Variants in CDH13 observed in about 807,000 individuals in gnomAD.
The protein encoded by CDH13 is cadherin 13, also known as cadherin-13.
Under a neutral mutation model 63.8 loss-of-function variants are expected in CDH13, and 24 were observed. The observed-to-expected ratio is 0.38, with a 90% confidence interval of 0.27 to 0.53. The LOEUF (loss-of-function observed/expected upper bound fraction) is 0.53. Among genes scored for constraint, CDH13 ranks in the 20% least tolerant of loss-of-function variants. CDH13 has a pLI of 0.85. For missense variants in CDH13, 1,049 were observed against 903.1 expected, an observed-to-expected ratio of 1.16 and a Z score of -2.07; for synonymous variants, 503 against 355.3, an observed-to-expected ratio of 1.42 and a Z score of -4.67.
chr16:83,313,929 C>A (rs949234475), intron 5 of CDH13, among the ~76,000 whole-genome samples: 3 of 152,182 alleles, frequency 2.0e-5, no homozygotes, highest in African/African-American at 7.2e-5. Flanking sequence ...AACTGTGGTG[C>A]AATATGATGT....
intron 6 of CDH13, among the ~76,000 whole-genome samples, chr16:83,430,559 C>A (rs534825149): frequency 6.6e-6 from 1 of 152,104 alleles, no homozygotes; most frequent in Non-Finnish European, 1.5e-5. Context: ...TTTTTGAAAT[C>A]CTGCTTTTCT....
At position 83,090,692 on chromosome 16, in the gene CDH13, C is replaced by A. The variant is rs148558169; in HGVS notation, c.367-34693C>A. On this transcript the variant is annotated intron_variant, in intron 3 of 13. Coordinates refer to ENST00000567109, the MANE Select transcript of CDH13 (RefSeq NM_001257.5). ...TCCCTCTGACTGACTCTCAAGTCTT[C>A]CCCGTCTGTCTGCTCCGACTGCACG... Among the ~76,000 whole-genome samples the A allele has an allele frequency of 2.3e-3, 353 of 152,224 alleles. 2 individuals carry two copies. Among genetic ancestry groups the A allele is most frequent in the African/African-American group, 8.2e-3 (339 of 41,556 alleles).
chr16:82,633,034 G>A (rs555576320), intron 1 of CDH13, among the ~76,000 whole-genome samples: 2 of 152,200 alleles, frequency 1.3e-5, no homozygotes, highest in Non-Finnish European at 2.9e-5. Context: ...GGTAATGCGA[G>A]TGCTGGGGGG....
At chr16:83,713,682 C>G (rs926977648) in intron 10 of CDH13, among the ~76,000 whole-genome samples, 14 of 152,058 alleles carry the variant, frequency 9.2e-5, no homozygotes, top group Admixed American at 1.3e-4. Flanking sequence ...TCTCACATAA[C>G]TGGGAGATCC....
intron 5 of CDH13, among the ~76,000 whole-genome samples, chr16:83,343,488 A>C (rs2090772508): frequency 6.6e-6 from 1 of 152,252 alleles, no homozygotes; most frequent in Non-Finnish European, 1.5e-5. Flanking sequence ...CAGGAGTGGT[A>C]TAAAAACGGA....
At chr16:83,353,402 G>A (rs576996399) in intron 6 of CDH13, among the ~76,000 whole-genome samples, 11 of 151,652 alleles carry the variant, frequency 7.3e-5, no homozygotes, top group East Asian at 1.9e-4. Context: ...TGTCAGGCCC[G>A]CCCTGATGGG....
At chr16:82,757,367 C>G (rs1030319631) in intron 1 of CDH13, among the ~76,000 whole-genome samples, 2 of 148,768 alleles carry the variant, frequency 1.3e-5, no homozygotes, top group East Asian at 2.0e-4. Flanking sequence ...TCCAAAGGCC[C>G]TTGTCTTGAG....
At chr16:83,263,550 C>T (rs1907233053) in intron 5 of CDH13, among the ~76,000 whole-genome samples, 1 of 152,112 alleles carries the variant, frequency 6.6e-6, no homozygotes, top group Non-Finnish European at 1.5e-5. Flanking sequence ...TAGCCACCGC[C>T]CACTGAATGG....
chr16:82,839,331 G>A (rs2151128685), intron 1 of CDH13, among the ~76,000 whole-genome samples: 1 of 152,316 alleles, frequency 6.6e-6, no homozygotes, highest in East Asian at 1.9e-4. Context: ...GTTGCTTTAT[G>A]CTGTGGGCCC....
At chr16:82,923,208 G>T (rs1441122015) in intron 2 of CDH13, among the ~76,000 whole-genome samples, 5 of 152,198 alleles carry the variant, frequency 3.3e-5, no homozygotes, top group Admixed American at 1.3e-4. Flanking sequence ...ATAAAAGGAA[G>T]TATGCCTGTA....
intron 2 of CDH13, among the ~76,000 whole-genome samples, chr16:82,958,565 T>A (rs1162010787): frequency 6.6e-6 from 1 of 152,086 alleles, no homozygotes; most frequent in Non-Finnish European, 1.5e-5. Context: ...AGGAAGACAA[T>A]GAGTAAAACG....
chr16:83,678,526 C>T (rs1915150509), intron 10 of CDH13, 65 bp downstream of exon 10: 3 of 1,588,812 alleles, frequency 1.9e-6, no homozygotes, highest in Admixed American at 3.4e-5. Flanking sequence ...TTTCCAGTCG[C>T]AGAAGCTGGT....
At chr16:83,325,463 C>G (rs969009922) in intron 5 of CDH13, among the ~76,000 whole-genome samples, 8 of 152,126 alleles carry the variant, frequency 5.3e-5, no homozygotes, top group African/African-American at 1.7e-4. Flanking sequence ...TGTAAAAGGC[C>G]AGATAACAGG....
rs72032168 is a variant in CDH13 at position 83,621,475 on chromosome 16, C to CTTTTTTTTTTTTT, written c.1101+18898_1101+18910dup. On this transcript the variant is annotated intron_variant, in intron 8 of 13. Transcript: ENST00000567109. Reference sequence around the variant, plus strand: ...GCCCTCTTGCTCTCACCTCACCTGCCTTTTTTTTTTTTTTTTTTTTTTTTT... The same window carrying CTTTTTTTTTTTTT: ...GCCCTCTTGCTCTCACCTCACCTGCCTTTTTTTTTTTTTTTTTTTTTTTTTTTTTTTTTTTTTT... Among the ~76,000 whole-genome samples, 20 of 28,532 alleles carry CTTTTTTTTTTTTT rather than the reference C, an allele frequency of 7.0e-4. 7 individuals carry two copies. The highest frequency in any genetic ancestry group is 1.6e-3 in the Admixed American group (2 of 1,286). 18.7% of individuals were successfully genotyped at this position (28,532 alleles called of 152,430 possible).
At chr16:82,958,277 G>C (rs985720420) in intron 2 of CDH13, among the ~76,000 whole-genome samples, 1 of 152,180 alleles carries the variant, frequency 6.6e-6, no homozygotes, top group African/African-American at 2.4e-5. Flanking sequence ...ACCTAGAAGT[G>C]CTTAAAACTG....
At chr16:83,478,600 G>A (rs555383120) in intron 6 of CDH13, among the ~76,000 whole-genome samples, 3 of 152,268 alleles carry the variant, frequency 2.0e-5, no homozygotes, top group East Asian at 3.9e-4. Context: ...GGGAAGGGCC[G>A]CCAAAGGAGC....
At chr16:83,181,789 A>C (rs1165781222) in intron 4 of CDH13, among the ~76,000 whole-genome samples, 1 of 151,814 alleles carries the variant, frequency 6.6e-6, no homozygotes, top group Non-Finnish European at 1.5e-5. Flanking sequence ...GTGTGTGTGC[A>C]TGTGTGTGTG....
chr16:83,273,294 A>G (rs996659468), intron 5 of CDH13, among the ~76,000 whole-genome samples: 1 of 152,094 alleles, frequency 6.6e-6, no homozygotes, highest in Non-Finnish European at 1.5e-5. Context: ...TACTAAGCAT[A>G]ATACCCAATA....
At position 83,341,989 on chromosome 16, in the gene CDH13, C is replaced by CCCCACACA. The variant is rs767233245; in HGVS notation, c.637-2872_637-2871insCCACACAC. On this transcript the variant is annotated intron_variant, in intron 5 of 13. Coordinates refer to ENST00000567109, the MANE Select transcript of CDH13 (RefSeq NM_001257.5). Reference sequence around the variant, plus strand: ...ATTTATTTTGAATAGGTGTCCCCTGCCACACACACACACACACACACACAC... The same window carrying CCCCACACA: ...ATTTATTTTGAATAGGTGTCCCCTGCCCCACACACACACACACACACACACACACACAC... Among the ~76,000 whole-genome samples, 417 of 138,148 alleles carry CCCCACACA rather than the reference C, an allele frequency of 3.0e-3. 1 individual carries two copies. The highest frequency in any genetic ancestry group is 7.6e-3 in the Middle Eastern group (2 of 262). The allele number at this position is 138,148 out of a possible 152,430, so 90.6% of individuals were successfully genotyped here.
Sources: allele counts gnomAD v4.1 joint callset (sites outside exome capture counted in the v4.1 genomes callset), GRCh38; gene constraint gnomAD v4.1.1; transcripts MANE v1.5; gene names NCBI Gene and HGNC (gene_info 2026-07-23, HGNC 2026-07-21).